MCPH1: variants seen among roughly 807,000 people sequenced by gnomAD.
The protein encoded by MCPH1 is microcephalin 1, also known as microcephalin.
Under a neutral mutation model 84.5 loss-of-function variants are expected in MCPH1, and 104 were observed. That is an observed-to-expected ratio of 1.23 (90% confidence interval 1.05 to 1.45). MCPH1 has a LOEUF of 1.45. Among genes scored for constraint, MCPH1 ranks in the 40% most tolerant of loss-of-function variants. The probability of loss-of-function intolerance (pLI) is 0.00; values close to 1 mark genes in which losing one functional copy is unlikely to be tolerated. For missense variants in MCPH1, 1,498 were observed against 1,005.7 expected (o/e 1.49, Z -6.62); for synonymous variants, 514 against 366.8 (o/e 1.40, Z -4.58).
intron 12 of MCPH1, chr8:6,616,337 C>T (rs567975713): frequency 6.6e-6 from 1 of 152,360 alleles, no homozygotes; most frequent in Non-Finnish European, 1.5e-5. Context: ...GTCAGCCACC[C>T]ATGGGGCTTC....
chr8:6,457,411 C>G (rs534087494), intron 9 of MCPH1, among the ~76,000 whole-genome samples: 23 of 152,080 alleles, frequency 1.5e-4, no homozygotes, highest in African/African-American at 5.6e-4. Flanking sequence ...ATGGCAAAAC[C>G]CTGGCCAACA....
chr8:6,534,601 A>C (rs1346053305), intron 12 of MCPH1, among the ~76,000 whole-genome samples: 1 of 152,242 alleles, frequency 6.6e-6, no homozygotes, highest in Non-Finnish European at 1.5e-5. Context: ...ACCAAAACAG[A>C]GTAGACCACT....
At chr8:6,545,378 G>C (rs1327035842) in intron 12 of MCPH1, among the ~76,000 whole-genome samples, 3 of 152,118 alleles carry the variant, frequency 2.0e-5, no homozygotes, top group Non-Finnish European at 2.9e-5. Context: ...AAAACTAAAA[G>C]ACATTTAGAA....
chr8:6,503,106 A>T, intron 12 of MCPH1: 23 of 1,614,154 alleles, frequency 1.4e-5, no homozygotes, highest in Non-Finnish European at 1.9e-5. Flanking sequence ...GATGTTTAGA[A>T]ATCTGCTGGT....
intron 8 of MCPH1, among the ~76,000 whole-genome samples, chr8:6,451,540 T>A (rs764930044): frequency 2.0e-4 from 28 of 139,756 alleles, no homozygotes; most frequent in Non-Finnish European, 4.3e-4. Flanking sequence ...AGGATAAAAT[T>A]CCGCATTATC....
intron 12 of MCPH1, among the ~76,000 whole-genome samples, chr8:6,568,738 C>T (rs1826421599): frequency 6.6e-6 from 1 of 152,224 alleles, no homozygotes. Flanking sequence ...CAGGCCTGGG[C>T]AGCCCCTCCT....
At chr8:6,634,395 T>A (rs1190632348) in intron 13 of MCPH1, among the ~76,000 whole-genome samples, 2 of 152,234 alleles carry the variant, frequency 1.3e-5, no homozygotes, top group Non-Finnish European at 2.9e-5. Context: ...GTATTGCTGA[T>A]GAGACATGAC....
chr8:6,537,618 C>T (rs1563087735), intron 12 of MCPH1, among the ~76,000 whole-genome samples: 1 of 151,560 alleles, frequency 6.6e-6, no homozygotes, highest in Non-Finnish European at 1.5e-5. Flanking sequence ...TTTTTTATTA[C>T]TCCCACAACG....
chr8:6,580,673 C>G (rs1312240179), intron 12 of MCPH1, among the ~76,000 whole-genome samples: 1 of 151,294 alleles, frequency 6.6e-6, no homozygotes, highest in Non-Finnish European at 1.5e-5. Flanking sequence ...AAAAACAAAA[C>G]AAAACAAAAA....
intron 12 of MCPH1, among the ~76,000 whole-genome samples, chr8:6,529,353 G>T (rs1819005351): frequency 6.6e-6 from 1 of 152,082 alleles, no homozygotes; most frequent in Non-Finnish European, 1.5e-5. Flanking sequence ...TTGAATTTAA[G>T]TCTGTTTCAC....
At chr8:6,573,824 T>A (rs1395709909) in intron 12 of MCPH1, among the ~76,000 whole-genome samples, 2 of 152,170 alleles carry the variant, frequency 1.3e-5, no homozygotes, top group Non-Finnish European at 2.9e-5. Flanking sequence ...AGCCCATCCC[T>A]GAGAATTTAA....
At chr8:6,525,584 T>C (rs1238002609) in intron 12 of MCPH1, among the ~76,000 whole-genome samples, 3 of 152,232 alleles carry the variant, frequency 2.0e-5, no homozygotes, top group African/African-American at 7.2e-5. Flanking sequence ...TAAAAGATTA[T>C]TTAAAATGTG....
intron 6 of MCPH1, among the ~76,000 whole-genome samples, chr8:6,441,111 C>G (rs2129555219): frequency 6.6e-6 from 1 of 152,274 alleles, no homozygotes; most frequent in South Asian, 2.1e-4. Flanking sequence ...CTTTTGCAAG[C>G]AAGACTGAAA....
rs561229629 is a variant in MCPH1, at chr8:6,527,164, A to G, written c.2214+27235A>G. 3.9e-5 allele frequency among the ~76,000 whole-genome samples: 6 copies of G among 152,342 alleles called. No individual in the cohort carries two copies. In the South Asian group the frequency reaches 1.2e-3, roughly 32 times the overall value. On this transcript the variant is annotated intron_variant, in intron 12 of 13. Coordinates refer to ENST00000344683, the MANE Select transcript of MCPH1 (RefSeq NM_024596.5). Reference sequence around the variant, plus strand: ...ACTCCACAGCACTAGCTGTATTTTTATAATAGATTAGCATGTAGAATACTG... The same window carrying G: ...ACTCCACAGCACTAGCTGTATTTTTGTAATAGATTAGCATGTAGAATACTG...
chr8:6,419,902 C>T (rs184334140), intron 3 of MCPH1, among the ~76,000 whole-genome samples: 2 of 151,690 alleles, frequency 1.3e-5, no homozygotes, highest in Non-Finnish European at 2.9e-5. Flanking sequence ...AAATGATTTG[C>T]TTTTTCTTTG....
At chr8:6,535,898 A>G (rs1820394616) in intron 12 of MCPH1, among the ~76,000 whole-genome samples, 2 of 151,920 alleles carry the variant, frequency 1.3e-5, no homozygotes, top group Non-Finnish European at 2.9e-5. Flanking sequence ...AATACAAAAA[A>G]AAAAAAAAAT....
intron 11 of MCPH1, among the ~76,000 whole-genome samples, chr8:6,482,733 C>T (rs1253427655): frequency 2.6e-5 from 4 of 152,194 alleles, no homozygotes; most frequent in East Asian, 3.8e-4. Context: ...TACTCCACAG[C>T]TAATCATACA....
At chr8:6,538,910 G>C (rs1820992772) in intron 12 of MCPH1, among the ~76,000 whole-genome samples, 1 of 152,200 alleles carries the variant, frequency 6.6e-6, no homozygotes, top group Admixed American at 6.5e-5. Context: ...CTATTTGGGA[G>C]GCTTTTGACC....
chr8:6,622,100 G>A, intron 13 of MCPH1: 1 of 329,980 alleles, frequency 3.0e-6, no homozygotes, highest in Non-Finnish European at 6.1e-6. Flanking sequence ...CCCCGTCCCT[G>A]TCATCTCCTC....
Sources: gnomAD v4.1 joint callset for allele counts (sites outside exome capture counted in the v4.1 genomes callset) on GRCh38, gnomAD v4.1.1 for gene constraint, MANE v1.5 for transcripts, NCBI Gene and HGNC (gene_info 2026-07-23, HGNC 2026-07-21) for gene names.